Variants in GRID2 observed in about 807,000 individuals in gnomAD.
GRID2 encodes glutamate ionotropic receptor delta type subunit 2, also known as glutamate receptor ionotropic, delta-2.
In GRID2, 33 loss-of-function variants were observed where a neutral mutation model predicts 114.8. The observed-to-expected ratio is 0.29, with a 90% CI of 0.22 to 0.38. The LOEUF (loss-of-function observed/expected upper bound fraction) is 0.38, where lower values mean the gene tolerates loss of function less well. Among genes scored for constraint, GRID2 ranks in the 10% least tolerant of loss-of-function variants. The probability of loss-of-function intolerance (pLI) is 1.00; values close to 1 mark genes in which losing one functional copy is unlikely to be tolerated. For synonymous variants in GRID2, 505 were observed against 449.9 expected, an observed-to-expected ratio of 1.12 and a Z score of -1.55; for missense variants, 1,184 against 1,257.7, an observed-to-expected ratio of 0.94 and a Z score of 0.89.
chr4:93,413,468 A>T (rs1438510486), intron 9 of GRID2, among the ~76,000 whole-genome samples: 1 of 151,978 alleles, frequency 6.6e-6, no homozygotes, highest in Admixed American at 6.6e-5. Context: ...TTTTATTGTG[A>T]ATTTGTTTTC....
chr4:93,511,001 G>C (rs1004616965), intron 12 of GRID2, among the ~76,000 whole-genome samples: 2 of 152,106 alleles, frequency 1.3e-5, no homozygotes, highest in Admixed American at 1.3e-4. Context: ...CGGTGGCACA[G>C]TCTCAGCTCA....
intron 4 of GRID2, among the ~76,000 whole-genome samples, chr4:93,162,335 T>C (rs1737768057): frequency 6.6e-6 from 1 of 151,994 alleles, no homozygotes; most frequent in South Asian, 2.1e-4. Flanking sequence ...ATTAAATTAG[T>C]TACAATTTTC....
intron 1 of GRID2, among the ~76,000 whole-genome samples, chr4:92,306,443 C>T (rs1344884085): frequency 1.3e-5 from 2 of 152,140 alleles, no homozygotes; most frequent in African/African-American, 4.8e-5. Flanking sequence ...AACTATGCTC[C>T]TTTTAGAGAA....
At chr4:92,597,219 C>T (rs1182457598) in intron 2 of GRID2, among the ~76,000 whole-genome samples, 1 of 152,010 alleles carries the variant, frequency 6.6e-6, no homozygotes, top group Admixed American at 6.6e-5. Flanking sequence ...AAAATATATT[C>T]TTTCTTAAAG....
intron 8 of GRID2, among the ~76,000 whole-genome samples, chr4:93,329,311 A>G (rs1201951658): frequency 6.6e-6 from 1 of 152,138 alleles, no homozygotes; most frequent in Non-Finnish European, 1.5e-5. Flanking sequence ...ATATTAATAC[A>G]TTGAATTTAT....
intron 13 of GRID2, among the ~76,000 whole-genome samples, chr4:93,538,396 T>A (rs1461500326): frequency 6.6e-6 from 1 of 151,600 alleles, no homozygotes; most frequent in Admixed American, 6.6e-5. Context: ...ATGAAAAAAA[T>A]TATTGAATAA....
intron 13 of GRID2, among the ~76,000 whole-genome samples, chr4:93,565,926 A>G (rs1254930044): frequency 1.3e-5 from 2 of 152,196 alleles, no homozygotes; most frequent in Non-Finnish European, 2.9e-5. Flanking sequence ...GAGGCACTAT[A>G]TTAGAGTATG....
At chr4:92,929,013 A>G (rs980905559) in intron 2 of GRID2, among the ~76,000 whole-genome samples, 1 of 151,444 alleles carries the variant, frequency 6.6e-6, no homozygotes, top group Non-Finnish European at 1.5e-5. Context: ...TGAATTCAAC[A>G]TATTCATTTT....
chr4:92,595,368 G>T (rs1261831128), intron 2 of GRID2, among the ~76,000 whole-genome samples: 2 of 151,826 alleles, frequency 1.3e-5, no homozygotes, highest in Non-Finnish European at 2.9e-5. Flanking sequence ...ATTGTAATAT[G>T]CAGTAATGGG....
At chr4:92,741,649 T>A (rs1403664912) in intron 2 of GRID2, among the ~76,000 whole-genome samples, 1 of 152,218 alleles carries the variant, frequency 6.6e-6, no homozygotes, top group Non-Finnish European at 1.5e-5. Context: ...TTTGCTCAGC[T>A]GTCTATGTCC....
intron 9 of GRID2, among the ~76,000 whole-genome samples, chr4:93,407,760 C>T (rs1428529307): frequency 2.3e-5 from 3 of 127,814 alleles, no homozygotes; most frequent in Non-Finnish European, 4.9e-5. Context: ...CCTCCTCGTC[C>T]TCCTCCTCCT....
chr4:93,009,727 G>C (rs1452008761), intron 2 of GRID2, among the ~76,000 whole-genome samples: 3 of 151,960 alleles, frequency 2.0e-5, no homozygotes, highest in Admixed American at 6.6e-5. Context: ...GGAGACCTTG[G>C]TTTCTCTGAT....
Position 93,110,896 on chromosome 4 carries a change from T to G in GRID2, c.678T>G (p.Thr226=). The change falls in exon 4 of 16, where the codon ACT becomes ACG. Residue 226 remains threonine (T), a synonymous_variant. Coordinates refer to ENST00000282020, the MANE Select transcript of GRID2 (RefSeq NM_001510.4). Reference sequence around the variant, plus strand: ...AAGAACTGAATCGCTATCGAGACACTCTTAGGCGAGCGATCCTTGTTATGA... The same window carrying G: ...AAGAACTGAATCGCTATCGAGACACGCTTAGGCGAGCGATCCTTGTTATGA... ...RIEELNRYRD[T]LRRAILVMNP... is the part of the protein sequence containing the mutation. The G allele has an allele frequency of 6.2e-7, 1 of 1,613,280 alleles. No homozygotes were observed. Among genetic ancestry groups the G allele is most frequent in the South Asian group, 1.1e-5 (1 of 91,070 alleles).
chr4:92,604,234 C>T (rs1204737539), intron 2 of GRID2, among the ~76,000 whole-genome samples: 1 of 152,156 alleles, frequency 6.6e-6, no homozygotes, highest in Non-Finnish European at 1.5e-5. Flanking sequence ...AAAATACTTG[C>T]ATGCGTATCT....
chr4:92,960,326 C>T (rs537375024), intron 2 of GRID2, among the ~76,000 whole-genome samples: 74 of 151,942 alleles, frequency 4.9e-4, no homozygotes, highest in Non-Finnish European at 8.8e-4. Context: ...TTATTTCCTG[C>T]CTGTTGGACC....
chr4:92,676,874 G>T (rs756092171), intron 2 of GRID2, among the ~76,000 whole-genome samples: 2 of 152,110 alleles, frequency 1.3e-5, no homozygotes, highest in African/African-American at 2.4e-5. Flanking sequence ...AGCAACCCCA[G>T]TGTCAATCAG....
chr4:93,336,773 A>G (rs1236179780), intron 8 of GRID2, among the ~76,000 whole-genome samples: 2 of 152,190 alleles, frequency 1.3e-5, no homozygotes, highest in Non-Finnish European at 2.9e-5. Flanking sequence ...CTGAAATATC[A>G]GTGAAGGTTT....
In GRID2 at chr4:92,947,354, A is replaced by G. The variant is rs61113762; in HGVS notation, c.245-137641A>G. Among the ~76,000 whole-genome samples the G allele has an allele frequency of 4.2e-3, 642 of 152,148 alleles. 8 individuals carry two copies. The highest frequency in any genetic ancestry group is 0.014 in the African/African-American group (596 of 41,570). On this transcript the variant is annotated intron_variant, in intron 2 of 15. Coordinates refer to ENST00000282020, the MANE Select transcript of GRID2 (RefSeq NM_001510.4). The stretch of plus-strand genomic sequence containing the variant: ...GAAAGAAATATTTATTAAATGTGCT[A>G]TGTTTAACAAAATAATGCAGTTCTT...
In GRID2 at chr4:92,920,777, A is replaced by C. The variant is rs1749251670; in HGVS notation, c.245-164218A>C. On this transcript the variant is annotated intron_variant, in intron 2 of 15. Transcript: ENST00000282020. ...TCGACCTTTCTCTCTGGCTACCCTTAACATTTTTTCCTTCATTTTAATTTT... is the reference window on the plus strand; with the variant it reads ...TCGACCTTTCTCTCTGGCTACCCTTCACATTTTTTCCTTCATTTTAATTTT... 2.6e-5 allele frequency among the ~76,000 whole-genome samples: 4 copies of C among 152,136 alleles called. No individual in the cohort carries two copies. In the South Asian group the frequency reaches 8.3e-4, roughly 32 times the overall value.
Sources: gnomAD v4.1 joint callset for allele counts (sites outside exome capture counted in the v4.1 genomes callset) on GRCh38, gnomAD v4.1.1 for gene constraint, MANE v1.5 for transcripts, NCBI Gene and HGNC (gene_info 2026-07-23, HGNC 2026-07-21) for gene names.